The following DLG2 variants were observed in gnomAD, a reference collection of about 807,000 sequenced individuals.
DLG2 encodes disks large homolog 2.
In DLG2, 45 loss-of-function variants were observed where a neutral mutation model predicts 132.5. That is an observed-to-expected ratio of 0.34 (90% CI 0.27 to 0.44). The LOEUF (loss-of-function observed/expected upper bound fraction) is 0.44, where lower values mean the gene tolerates loss of function less well. Ranked by LOEUF, DLG2 falls within the 20% of genes least tolerant of loss-of-function variation. The pLI is 1.00. For missense variants in DLG2, 1,045 were observed against 1,196.9 expected, an observed-to-expected ratio of 0.87 and a Z score of 1.87; for synonymous variants, 424 against 419.6, an observed-to-expected ratio of 1.01 and a Z score of -0.13.
chr11:84,618,610 C>G lies in DLG2; in HGVS notation c.358-83879G>C, dbSNP rs182699197. 7.5e-3 allele frequency among the ~76,000 whole-genome samples: 1,136 copies of G among 152,118 alleles called. 8 individuals carry two copies. Among genetic ancestry groups the G allele is most frequent in the Non-Finnish European group, 0.011 (758 of 67,944 alleles). On this transcript the variant is annotated intron_variant, in intron 6 of 27. Transcript: ENST00000376104. The stretch of plus-strand genomic sequence containing the variant: ...TTTGAGAATCTAAAGTTAAGCAAGA[C>G]TCTCAAAAGGGACCAAAGTGGCTCA...
chr11:84,192,602 C>T (rs916510977), intron 8 of DLG2, among the ~76,000 whole-genome samples: 4 of 151,890 alleles, frequency 2.6e-5, no homozygotes, highest in South Asian at 2.1e-4. Flanking sequence ...TGGTGGCAGG[C>T]GCCTGTAGTC....
At chr11:84,705,820 C>T (rs771440287) in intron 6 of DLG2, among the ~76,000 whole-genome samples, 6 of 151,736 alleles carry the variant, frequency 4.0e-5, no homozygotes, top group Non-Finnish European at 7.4e-5. Flanking sequence ...TCAACAGGTC[C>T]TTCTTTGAAA....
At chr11:84,371,578 T>C (rs1315846759) in intron 7 of DLG2, among the ~76,000 whole-genome samples, 1 of 152,084 alleles carries the variant, frequency 6.6e-6, no homozygotes, top group African/African-American at 2.4e-5. Flanking sequence ...ACAGCAAACT[T>C]GCTTATTCTA....
chr11:83,489,324 C>T (rs2138033745), intron 21 of DLG2, among the ~76,000 whole-genome samples: 1 of 152,008 alleles, frequency 6.6e-6, no homozygotes, highest in Non-Finnish European at 1.5e-5. Context: ...ATGTGGGAAG[C>T]TCTACAAGAC....
intron 3 of DLG2, among the ~76,000 whole-genome samples, chr11:85,471,204 CAAG>C (rs2153075881): frequency 6.6e-6 from 1 of 152,210 alleles, no homozygotes; most frequent in East Asian, 1.9e-4. Flanking sequence ...AAAAATTGGG[CAAG>C]AAGAACGAAT....
intron 5 of DLG2, among the ~76,000 whole-genome samples, chr11:85,114,871 G>A (rs1437567445): frequency 6.6e-6 from 1 of 151,906 alleles, no homozygotes. Context: ...CACAGTTAGA[G>A]TGCTTTGGAG....
In DLG2 at chr11:83,896,357, G is replaced by A. The variant is rs1021973104; in HGVS notation, c.1497-21869C>T. Among the ~76,000 whole-genome samples the A allele has an allele frequency of 1.7e-4, 26 of 152,218 alleles. 1 individual carries two copies. Among genetic ancestry groups the A allele is most frequent in the African/African-American group, 1.9e-4 (8 of 41,450 alleles). On this transcript the variant is annotated intron_variant, in intron 15 of 27. Coordinates refer to ENST00000376104, the MANE Select transcript of DLG2 (RefSeq NM_001142699.3). Reference sequence around the variant, plus strand: ...GACATTATAGGGTTTACTGCTGTCCGTAGCTGGTCTGCTTAAACAAGGCTG... The same window carrying A: ...GACATTATAGGGTTTACTGCTGTCCATAGCTGGTCTGCTTAAACAAGGCTG...
intron 19 of DLG2, among the ~76,000 whole-genome samples, chr11:83,623,571 C>A (rs2061991171): frequency 6.6e-6 from 1 of 152,218 alleles, no homozygotes; most frequent in African/African-American, 2.4e-5. Flanking sequence ...GAGAGCTGTT[C>A]TGTGTGTGGT....
intron 7 of DLG2, among the ~76,000 whole-genome samples, chr11:84,444,353 C>A (rs1441211619): frequency 1.3e-5 from 2 of 152,064 alleles, no homozygotes; most frequent in East Asian, 3.9e-4. Context: ...CCTGCACATC[C>A]TGCACATGTA....
intron 8 of DLG2, among the ~76,000 whole-genome samples, chr11:84,241,665 C>A (rs1384325371): frequency 6.6e-6 from 1 of 152,030 alleles, no homozygotes; most frequent in African/African-American, 2.4e-5. Context: ...GATCATTGTG[C>A]CTTAGATATG....
chr11:84,585,954 C>G (rs2099528669), intron 6 of DLG2, among the ~76,000 whole-genome samples: 1 of 152,148 alleles, frequency 6.6e-6, no homozygotes, highest in African/African-American at 2.4e-5. Flanking sequence ...GAGTTTGAGA[C>G]CAGCCGGGCA....
rs192134433 is a variant in DLG2 at position 84,810,010 on chromosome 11, T to C, written c.358-275279A>G. Among the ~76,000 whole-genome samples the C allele has an allele frequency of 9.2e-5, 14 of 152,004 alleles. No homozygotes were observed. The East Asian group carries it at 2.7e-3, about 29-fold the overall frequency. ...ATAATGCTGGAGCAATAAACACCAA[T>C]AAGCAAAAATAGAAATAAAATAAAA... On this transcript the variant is annotated intron_variant, in intron 6 of 27. Coordinates refer to ENST00000376104, the MANE Select transcript of DLG2 (RefSeq NM_001142699.3).
chr11:84,562,858 C>T (rs1422324896), intron 6 of DLG2, among the ~76,000 whole-genome samples: 1 of 151,658 alleles, frequency 6.6e-6, no homozygotes, highest in Admixed American at 6.6e-5. Context: ...GCTCAAGTGA[C>T]CCTCCTGCAT....
At chr11:84,233,839 T>A (rs752158845) in intron 8 of DLG2, among the ~76,000 whole-genome samples, 1 of 152,190 alleles carries the variant, frequency 6.6e-6, no homozygotes, top group Non-Finnish European at 1.5e-5. Flanking sequence ...GTCTGCATCC[T>A]TGTCATCTGT....
intron 21 of DLG2, among the ~76,000 whole-genome samples, chr11:83,515,665 G>C (rs1227945506): frequency 3.3e-5 from 5 of 152,012 alleles, no homozygotes; most frequent in South Asian, 2.1e-4. Context: ...GCATTTAGTG[G>C]TATAAATTTC....
chr11:85,126,407 T>A (rs984645829), intron 5 of DLG2, among the ~76,000 whole-genome samples: 1 of 152,190 alleles, frequency 6.6e-6, no homozygotes, highest in African/African-American at 2.4e-5. Context: ...TGCAGCTGGA[T>A]GGAATACTTA....
intron 7 of DLG2, among the ~76,000 whole-genome samples, chr11:84,364,722 C>T (rs200764639): frequency 2.0e-5 from 3 of 151,862 alleles, no homozygotes; most frequent in Admixed American, 1.3e-4. Context: ...TAGCATGAAG[C>T]GTTGTTGAAT....
chr11:85,168,876 T>A (rs1031173583), intron 4 of DLG2, among the ~76,000 whole-genome samples: 1 of 152,132 alleles, frequency 6.6e-6, no homozygotes, highest in African/African-American at 2.4e-5. Context: ...ACTATGCAGG[T>A]ATGCAAATAA....
At chr11:83,880,323 C>T (rs545812294) in intron 15 of DLG2, among the ~76,000 whole-genome samples, 2 of 152,182 alleles carry the variant, frequency 1.3e-5, no homozygotes, top group Non-Finnish European at 2.9e-5. Context: ...AGTAAACCAT[C>T]AGGGTGAAGA....
Sources: gnomAD v4.1 joint callset for allele counts (sites outside exome capture counted in the v4.1 genomes callset) on GRCh38, gnomAD v4.1.1 for gene constraint, MANE v1.5 for transcripts, NCBI Gene and HGNC (gene_info 2026-07-23, HGNC 2026-07-21) for gene names.